CCDC146: variants seen among roughly 807,000 people sequenced by gnomAD.
The protein encoded by CCDC146 is coiled-coil domain-containing protein 146.
In CCDC146, 92 loss-of-function variants were observed where a neutral mutation model predicts 119.3. The observed-to-expected ratio is 0.77, with a 90% CI of 0.65 to 0.92. The LOEUF (loss-of-function observed/expected upper bound fraction) is 0.92, where lower values mean the gene tolerates loss of function less well. Ranked by LOEUF, CCDC146 falls within the 40% of genes least tolerant of loss-of-function variation. The probability of loss-of-function intolerance (pLI) is 0.00; values close to 1 mark genes in which losing one functional copy is unlikely to be tolerated. For synonymous variants in CCDC146, 372 were observed against 371.8 expected (o/e 1.00, Z -0.01); for missense variants, 1,000 against 1,103.0 (o/e 0.91, Z 1.32).
intron 2 of CCDC146, among the ~76,000 whole-genome samples, chr7:77,234,027 G>A (rs946755327): frequency 6.6e-6 from 1 of 151,622 alleles, no homozygotes; most frequent in Non-Finnish European, 1.5e-5. Flanking sequence ...GGTCTTTTTA[G>A]CTTAAGAACA....
intron 2 of CCDC146, among the ~76,000 whole-genome samples, chr7:77,185,979 A>G (rs1791660792): frequency 6.6e-6 from 1 of 152,228 alleles, no homozygotes; most frequent in Non-Finnish European, 1.5e-5. Context: ...TTTTATCCAA[A>G]GGGCAGGCAA....
rs149825284 is a variant in CCDC146, at chr7:77,292,976, A to G, written c.2440A>G (p.Lys814Glu). Reference sequence around the variant, plus strand: ...GATGAATGGCTATCAAAGAAGGATCAAAAATGCAACTGAGAAAATGATGGC... The same window carrying G: ...GATGAATGGCTATCAAAGAAGGATCGAAAATGCAACTGAGAAAATGATGGC... ...KKMNGYQRRIKNATEKMMALV... is the reference protein window; with the variant it reads ...KKMNGYQRRIENATEKMMALV... The change falls in exon 18 of 19, where the codon AAA becomes GAA. Residue 814 changes from lysine to glutamate, a missense_variant. Transcript: ENST00000285871. 48 of 1,613,890 alleles carry G rather than the reference A, an allele frequency of 3.0e-5. No individual in the cohort carries two copies. The highest frequency in any genetic ancestry group is 3.9e-5 in the Non-Finnish European group (46 of 1,180,016).
At chr7:77,141,627 G>A (rs1790934792) in intron 1 of CCDC146, among the ~76,000 whole-genome samples, 1 of 152,136 alleles carries the variant, frequency 6.6e-6, no homozygotes, top group African/African-American at 2.4e-5. Flanking sequence ...GACGTGAGAT[G>A]GCATCTCGTT....
At chr7:77,267,105 C>G (rs1056200473) in intron 9 of CCDC146, among the ~76,000 whole-genome samples, 4 of 151,726 alleles carry the variant, frequency 2.6e-5, no homozygotes, top group Admixed American at 2.0e-4. Context: ...AATTCTCTTG[C>G]CCTCAGCCTC....
At chr7:77,217,107 T>C (rs558496037) in intron 2 of CCDC146, among the ~76,000 whole-genome samples, 2 of 152,260 alleles carry the variant, frequency 1.3e-5, no homozygotes, top group Admixed American at 1.3e-4. Flanking sequence ...TTTCATTAAA[T>C]TATCAAAGGT....
chr7:77,232,336 G>A (rs1792646748), intron 2 of CCDC146, among the ~76,000 whole-genome samples: 1 of 152,072 alleles, frequency 6.6e-6, no homozygotes. Context: ...TTGATCTTGG[G>A]TGGTCACAGC....
intron 2 of CCDC146, chr7:77,198,363 C>T: frequency 1.0e-6 from 1 of 965,268 alleles, no homozygotes; most frequent in Non-Finnish European, 1.2e-6. Context: ...AAGTATGAGA[C>T]AGTCAGCAAC....
intron 1 of CCDC146, among the ~76,000 whole-genome samples, chr7:77,130,699 C>T (rs1264960225): frequency 2.8e-4 from 40 of 141,922 alleles, no homozygotes; most frequent in African/African-American, 8.8e-4. Context: ...CCCAGGTTCA[C>T]GCCATTCTCC....
intron 5 of CCDC146, 26 bp from the exon 6 acceptor site, chr7:77,256,307 C>A (rs1438697928): frequency 1.9e-6 from 3 of 1,552,876 alleles, no homozygotes; most frequent in African/African-American, 2.8e-5. Context: ...GACTATATAA[C>A]CTAATCATCT....
chr7:77,277,643 C>A (rs1440045767), intron 11 of CCDC146, among the ~76,000 whole-genome samples: 1 of 152,160 alleles, frequency 6.6e-6, no homozygotes, highest in East Asian at 1.9e-4. Flanking sequence ...GATGACACTA[C>A]ATTTTCCCAT....
chr7:77,147,353 G>A (rs1000365503), intron 1 of CCDC146, among the ~76,000 whole-genome samples: 15 of 152,128 alleles, frequency 9.9e-5, no homozygotes, highest in Non-Finnish European at 1.5e-4. Flanking sequence ...CACTGGGTTC[G>A]AACTTCCTCC....
At chr7:77,278,010 C>A (rs1463348948) in intron 11 of CCDC146, among the ~76,000 whole-genome samples, 1 of 152,178 alleles carries the variant, frequency 6.6e-6, no homozygotes, top group Admixed American at 6.5e-5. Context: ...TGTAACACCT[C>A]CTTACAGCTG....
At chr7:77,267,723 AC>A (rs1793434873) in intron 9 of CCDC146, among the ~76,000 whole-genome samples, 1 of 152,152 alleles carries the variant, frequency 6.6e-6, no homozygotes, top group African/African-American at 2.4e-5. Context: ...AATTACCCTT[AC>A]AAAATTTTGT....
At chr7:77,169,914 G>T (rs890609583) in intron 2 of CCDC146, among the ~76,000 whole-genome samples, 2 of 152,112 alleles carry the variant, frequency 1.3e-5, no homozygotes, top group African/African-American at 2.4e-5. Context: ...ATAGCTTCTA[G>T]CCCCTCTCAG....
At chr7:77,167,560 T>C in intron 1 of CCDC146, 98 bp from the exon 2 acceptor site, 1 of 922,978 alleles carries the variant, frequency 1.1e-6, no homozygotes, top group Non-Finnish European at 1.5e-6. Flanking sequence ...AACAATAGCT[T>C]ATTCCAGTTT....
At chr7:77,272,497 T>C (rs1793544171) in intron 9 of CCDC146, among the ~76,000 whole-genome samples, 1 of 152,218 alleles carries the variant, frequency 6.6e-6, no homozygotes, top group Admixed American at 6.5e-5. Context: ...GATATTCCTT[T>C]CTTGGGTCTA....
chr7:77,237,133 C>A, intron 3 of CCDC146, 104 bp downstream of exon 3: 4 of 897,380 alleles, frequency 4.5e-6, no homozygotes, highest in Non-Finnish European at 7.2e-6. Flanking sequence ...GACCCTGAGG[C>A]AAGGATTTGC....
intron 1 of CCDC146, among the ~76,000 whole-genome samples, chr7:77,142,535 G>A (rs1275241187): frequency 6.6e-6 from 1 of 151,714 alleles, no homozygotes; most frequent in East Asian, 1.9e-4. Flanking sequence ...ATTTACATTA[G>A]GTATATCTCC....
intron 4 of CCDC146, 35 bp downstream of exon 4, chr7:77,241,935 T>A: frequency 3.3e-6 from 5 of 1,515,330 alleles, no homozygotes; most frequent in Non-Finnish European, 4.6e-6. Context: ...CACTGAAAAG[T>A]CTTTTCCTCA....
Sources: allele counts gnomAD v4.1 joint callset (sites outside exome capture counted in the v4.1 genomes callset), GRCh38; gene constraint gnomAD v4.1.1; transcripts MANE v1.5; gene names NCBI Gene and HGNC (gene_info 2026-07-23, HGNC 2026-07-21).